OSBPL10: variants seen among roughly 807,000 people sequenced by gnomAD.
OSBPL10 encodes oxysterol-binding protein-related protein 10.
OSBPL10 carries 49 observed loss-of-function variants against 81.7 expected under a neutral mutation model. That is an observed-to-expected ratio of 0.60 (90% confidence interval 0.48 to 0.76). The LOEUF (loss-of-function observed/expected upper bound fraction) is 0.76. Among genes scored for constraint, OSBPL10 ranks in the 30% least tolerant of loss-of-function variants. The probability of loss-of-function intolerance (pLI) is 0.00; values close to 1 mark genes in which losing one functional copy is unlikely to be tolerated. For missense variants in OSBPL10, 923 were observed against 987.8 expected, an observed-to-expected ratio of 0.93 and a Z score of 0.88; for synonymous variants, 419 against 383.6, an observed-to-expected ratio of 1.09 and a Z score of -1.08.
intron 2 of OSBPL10, among the ~76,000 whole-genome samples, chr3:32,043,306 GC>G (rs1279688124): frequency 1.3e-5 from 2 of 152,182 alleles, no homozygotes; most frequent in East Asian, 3.9e-4. Flanking sequence ...GCCCGACCCT[GC>G]AGGCAGTCAG....
chr3:32,019,586 T>C (rs1234555926), intron 2 of OSBPL10, among the ~76,000 whole-genome samples: 1 of 152,198 alleles, frequency 6.6e-6, no homozygotes, highest in East Asian at 1.9e-4. Flanking sequence ...AGAGAAAGCA[T>C]CTTCTTAAGT....
At chr3:31,807,649 G>A (rs909942845) in intron 4 of OSBPL10, among the ~76,000 whole-genome samples, 6 of 151,648 alleles carry the variant, frequency 4.0e-5, no homozygotes. Flanking sequence ...GAGGTGGGAG[G>A]ATCACTTGAG....
chr3:31,707,796 G>A (rs986214463), intron 6 of OSBPL10, among the ~76,000 whole-genome samples: 3 of 152,246 alleles, frequency 2.0e-5, no homozygotes, highest in African/African-American at 7.2e-5. Flanking sequence ...ACACAGAACA[G>A]GCAATAACAT....
At chr3:31,872,904 G>A (rs1028383453) in intron 3 of OSBPL10, among the ~76,000 whole-genome samples, 5 of 152,148 alleles carry the variant, frequency 3.3e-5, no homozygotes, top group Non-Finnish European at 4.4e-5. Flanking sequence ...GATTACAGGC[G>A]TGAGCCACCA....
At chr3:31,696,743 T>A (rs1695733699) in intron 7 of OSBPL10, among the ~76,000 whole-genome samples, 1 of 152,258 alleles carries the variant, frequency 6.6e-6, no homozygotes, top group Non-Finnish European at 1.5e-5. Context: ...ATGTCTCTAC[T>A]CACTCTCTAG....
At chr3:31,730,048 A>T (rs1364535338) in intron 6 of OSBPL10, among the ~76,000 whole-genome samples, 2 of 152,226 alleles carry the variant, frequency 1.3e-5, no homozygotes, top group African/African-American at 4.8e-5. Flanking sequence ...AGTGGAAAGA[A>T]AGTTAAGAGA....
At chr3:31,682,100 T>C (rs1700664400) in intron 8 of OSBPL10, among the ~76,000 whole-genome samples, 1 of 152,160 alleles carries the variant, frequency 6.6e-6, no homozygotes, top group African/African-American at 2.4e-5. Flanking sequence ...ATCCAGATCC[T>C]TACTACTCCA....
At position 31,945,151 on chromosome 3, in the gene OSBPL10, A is replaced by AAT. The variant is rs1397185519; in HGVS notation, c.281+35747_281+35748insAT. Among the ~76,000 whole-genome samples, 9 of 34,698 alleles carry AAT rather than the reference A, an allele frequency of 2.6e-4. No individual in the cohort carries two copies. The East Asian group carries it at 3.0e-3, about 11-fold the overall frequency. The allele number at this position is 34,698 out of a possible 152,430, so 22.8% of individuals were successfully genotyped here. A position where few individuals can be genotyped will look rare whatever the true frequency, so the allele number is the denominator to read the frequency against. ...GGCGACAGAGCAAGACTCCGTCTCA[A>AAT]AAAAAAAAAAAAAAAAAAACAGGAA... On this transcript the variant is annotated intron_variant, in intron 1 of 11. Transcript: ENST00000396556.
chr3:31,778,502 C>T (rs1325517234), intron 4 of OSBPL10, among the ~76,000 whole-genome samples: 1 of 151,860 alleles, frequency 6.6e-6, no homozygotes, highest in Non-Finnish European at 1.5e-5. Context: ...CCTAATCAGG[C>T]AAAGACAAAA....
intron 1 of OSBPL10, among the ~76,000 whole-genome samples, chr3:31,925,581 C>G (rs1003230962): frequency 6.6e-6 from 1 of 151,490 alleles, no homozygotes; most frequent in African/African-American, 2.4e-5. Context: ...GGGAGGCCAA[C>G]GTGGGGAGAT....
chr3:31,966,013 G>A (rs888176182), intron 1 of OSBPL10, among the ~76,000 whole-genome samples: 2 of 121,070 alleles, frequency 1.7e-5, no homozygotes, highest in African/African-American at 6.2e-5. Context: ...TATATATATA[G>A]GCCAGGCTCA....
At chr3:32,021,870 T>C (rs757765948) in intron 2 of OSBPL10, among the ~76,000 whole-genome samples, 17 of 151,642 alleles carry the variant, frequency 1.1e-4, no homozygotes, top group African/African-American at 1.7e-4. Flanking sequence ...TCTCAGCTAC[T>C]AGGGAGGCTG....
At chr3:31,692,960 T>G (rs2125571068) in intron 7 of OSBPL10, among the ~76,000 whole-genome samples, 1 of 152,352 alleles carries the variant, frequency 6.6e-6, no homozygotes, top group South Asian at 2.1e-4. Flanking sequence ...GGAGAAAGAA[T>G]GGAGATCGCA....
intron 4 of OSBPL10, among the ~76,000 whole-genome samples, chr3:31,772,903 T>C (rs564139148): frequency 6.6e-6 from 1 of 152,166 alleles, no homozygotes; most frequent in Non-Finnish European, 1.5e-5. Context: ...CTTCTGTAAA[T>C]GTAACACTTT....
At chr3:31,990,350 G>A in intron 2 of OSBPL10, 3 of 1,613,852 alleles carry the variant, frequency 1.9e-6, no homozygotes, top group Non-Finnish European at 2.5e-6. Flanking sequence ...AATGAAGAGA[G>A]ATCTTACAAG....
intron 1 of OSBPL10, among the ~76,000 whole-genome samples, chr3:31,900,429 G>A (rs373933765): frequency 6.6e-6 from 1 of 152,078 alleles, no homozygotes; most frequent in African/African-American, 2.4e-5. Flanking sequence ...TCCCTTGGCT[G>A]TGCCCACTAT....
chr3:31,833,227 CT>C (rs1700288135), intron 3 of OSBPL10, among the ~76,000 whole-genome samples: 1 of 152,144 alleles, frequency 6.6e-6, no homozygotes, highest in Non-Finnish European at 1.5e-5. Context: ...AGATTTTTCC[CT>C]GGGCTTTGAA....
At chr3:31,813,300 A>G (rs1699754981) in intron 4 of OSBPL10, among the ~76,000 whole-genome samples, 1 of 152,206 alleles carries the variant, frequency 6.6e-6, no homozygotes, top group African/African-American at 2.4e-5. Context: ...GTGGCAGCAA[A>G]GGTCAAATGG....
rs1699764339 is a variant in OSBPL10 at position 32,064,195 on chromosome 3, C to T, written n.185+13201G>A. ...CCCAGACTGGAGTCGAACTCCTGGGCTCAAGCCATCCATCCACCTTGGCTT... is the reference window on the plus strand; with the variant it reads ...CCCAGACTGGAGTCGAACTCCTGGGTTCAAGCCATCCATCCACCTTGGCTT... On this transcript the variant is annotated intron_variant and non_coding_transcript_variant, in intron 1 of 3. Transcript: ENST00000479173. 2 of 93,304 alleles carry T rather than the reference C, an allele frequency of 2.1e-5. 1 individual carries two copies. Among genetic ancestry groups the T allele is most frequent in the Admixed American group, 2.6e-4 (2 of 7,678 alleles). The allele number at this position is 93,304 out of a possible 1,614,324, so 5.8% of individuals were successfully genotyped here.
Sources: gnomAD v4.1 joint callset for allele counts (sites outside exome capture counted in the v4.1 genomes callset) on GRCh38, gnomAD v4.1.1 for gene constraint, MANE v1.5 for transcripts, NCBI Gene and HGNC (gene_info 2026-07-23, HGNC 2026-07-21) for gene names.